The following SNRPN variants were observed in gnomAD, a reference collection of about 807,000 sequenced individuals.
SNRPN encodes small nuclear ribonucleoprotein-associated protein N.
SNRPN carries 7 observed loss-of-function variants against 25.2 expected under a neutral mutation model. That is an observed-to-expected ratio of 0.28 (90% CI 0.16 to 0.52). SNRPN has a LOEUF of 0.52. Among genes scored for constraint, SNRPN ranks in the 20% least tolerant of loss-of-function variants. The probability of loss-of-function intolerance (pLI) is 0.96; values close to 1 mark genes in which losing one functional copy is unlikely to be tolerated. For missense variants in SNRPN, 196 were observed against 322.5 expected (o/e 0.61, Z 3.00); for synonymous variants, 124 against 110.6 (o/e 1.12, Z -0.76).
At chr15:24,884,608 G>T (rs773089052) in intron 1 of SNRPN, among the ~76,000 whole-genome samples, 5,512 of 152,178 alleles carry the variant, frequency 0.036, 328 homozygotes, top group African/African-American at 0.12. Context: ...GGTGTGGATA[G>T]CTTTCTTTTG....
chr15:24,928,871 GT>G (rs2060600441), intron 3 of SNRPN, among the ~76,000 whole-genome samples: 3 of 152,052 alleles, frequency 2.0e-5, no homozygotes, highest in Admixed American at 1.3e-4. Context: ...GTCTCCCAAA[GT>G]GCTAGGATTA....
In SNRPN at chr15:24,975,093, T is replaced by C. The variant is rs145587458; in HGVS notation, c.4-265T>C. Reference sequence around the variant, plus strand: ...GGTTTACTTAGGGGAGTGGACAGTTTAGAGCATGCATCGTCACAGAGAAGG... The same window carrying C: ...GGTTTACTTAGGGGAGTGGACAGTTCAGAGCATGCATCGTCACAGAGAAGG... On this transcript the variant is annotated intron_variant, in intron 4 of 9. Coordinates refer to ENST00000390687, the MANE Select transcript of SNRPN (RefSeq NM_003097.6). 578 of 648,748 alleles carry C rather than the reference T, an allele frequency of 8.9e-4. 1 individual carries two copies. Among genetic ancestry groups the C allele is most frequent in the African/African-American group, 8.3e-3 (458 of 55,380 alleles). 40.2% of individuals were successfully genotyped at this position (648,748 alleles called of 1,614,324 possible). A position where few individuals can be genotyped will look rare whatever the true frequency, so the allele number is the denominator to read the frequency against.
intron 1 of SNRPN, among the ~76,000 whole-genome samples, chr15:24,875,968 C>T (rs562462313): frequency 1.6e-4 from 24 of 151,454 alleles, no homozygotes; most frequent in Non-Finnish European, 2.1e-4. Context: ...GCAGGAGAAT[C>T]GCTTGAACCT....
At chr15:24,902,537 A>G (rs2058528727) in intron 2 of SNRPN, among the ~76,000 whole-genome samples, 1 of 152,150 alleles carries the variant, frequency 6.6e-6, no homozygotes, top group Non-Finnish European at 1.5e-5. Flanking sequence ...GACTTCAAGA[A>G]TGAAGCCGTG....
At chr15:24,962,069 G>A (rs957838506) in intron 1 of SNRPN, 45 bp from the exon 2 acceptor site, 19 of 1,434,434 alleles carry the variant, frequency 1.3e-5, no homozygotes, top group Non-Finnish European at 1.9e-5. Flanking sequence ...TTATTTCATA[G>A]ATTGATGCAG....
chr15:24,886,917 A>T (rs538115667), intron 2 of SNRPN, among the ~76,000 whole-genome samples: 1 of 152,288 alleles, frequency 6.6e-6, no homozygotes, highest in East Asian at 1.9e-4. Context: ...AACTGTGGCC[A>T]CATCCTCTTT....
At chr15:24,826,794 C>T (rs144949519) in intron 1 of SNRPN, among the ~76,000 whole-genome samples, 16 of 152,042 alleles carry the variant, frequency 1.1e-4, no homozygotes, top group Admixed American at 3.3e-4. Context: ...ATATCTCTGC[C>T]AATTAAACTA....
At chr15:24,877,697 A>ACACAC (rs1566858064) in intron 1 of SNRPN, among the ~76,000 whole-genome samples, 1,410 of 113,910 alleles carry the variant, frequency 0.012, 15 homozygotes, top group African/African-American at 0.019. Flanking sequence ...CACACACACA[A>ACACAC]ACACACTAGC....
chr15:24,874,201 T>C (rs553728479), intron 1 of SNRPN, among the ~76,000 whole-genome samples: 61 of 148,810 alleles, frequency 4.1e-4, no homozygotes, highest in Non-Finnish European at 8.0e-4. Flanking sequence ...TCCCAGCTAC[T>C]TGGGAGGCTG....
intron 3 of SNRPN, among the ~76,000 whole-genome samples, chr15:24,948,233 C>G (rs1463864948): frequency 1.3e-5 from 2 of 152,112 alleles, no homozygotes; most frequent in Non-Finnish European, 2.9e-5. Flanking sequence ...CCTGCCTCAG[C>G]CTCCTGAGTA....
At chr15:24,882,860 T>C (rs2056854896) in intron 1 of SNRPN, among the ~76,000 whole-genome samples, 1 of 148,810 alleles carries the variant, frequency 6.7e-6, no homozygotes, top group Non-Finnish European at 1.5e-5. Flanking sequence ...TGAGTTGAAA[T>C]GCATTTAATA....
chr15:24,834,751 C>CTCTCTATATATATA, intron 2 of SNRPN, among the ~76,000 whole-genome samples: 28 of 60,948 alleles, frequency 4.6e-4, no homozygotes, highest in Non-Finnish European at 7.6e-4. Flanking sequence ...CTCTCTCTCT[C>CTCTCTATATATATA]TATATATATA....
At chr15:24,890,341 C>G (rs7181598) in intron 2 of SNRPN, among the ~76,000 whole-genome samples, 1,532 of 152,120 alleles carry the variant, frequency 0.01, 29 homozygotes, top group African/African-American at 0.035. Context: ...TAGATGATAC[C>G]CTTTGTTCCC....
At chr15:24,934,069 G>T (rs577082690) in intron 3 of SNRPN, among the ~76,000 whole-genome samples, 1 of 151,988 alleles carries the variant, frequency 6.6e-6, no homozygotes, top group Non-Finnish European at 1.5e-5. Flanking sequence ...AGGCCGAGGC[G>T]GGCGAATCAC....
chr15:24,835,090 AT>A (rs1209773280), intron 2 of SNRPN, among the ~76,000 whole-genome samples: 1 of 16,294 alleles, frequency 6.1e-5, no homozygotes, highest in African/African-American at 1.1e-4. Context: ...TATATATAAA[AT>A]ATATAGATAT....
At chr15:24,960,957 TC>T (rs550928928) in intron 1 of SNRPN, among the ~76,000 whole-genome samples, 24 of 152,214 alleles carry the variant, frequency 1.6e-4, no homozygotes. Context: ...TTCTTTTTTT[TC>T]ATTGTTTGGA....
intron 8 of SNRPN, 107 bp downstream of exon 8, chr15:24,978,023 T>C: frequency 8.1e-7 from 1 of 1,238,284 alleles, no homozygotes. Context: ...TATGCTTCCT[T>C]CTTCTAGATA....
At chr15:24,835,898 C>T (rs2051134890) in intron 2 of SNRPN, among the ~76,000 whole-genome samples, 1 of 151,858 alleles carries the variant, frequency 6.6e-6, no homozygotes, top group African/African-American at 2.4e-5. Flanking sequence ...CTCCTAGGCT[C>T]AAGCCATCTT....
chr15:24,885,732 G>A (rs185931353), intron 1 of SNRPN, among the ~76,000 whole-genome samples: 15 of 144,842 alleles, frequency 1.0e-4, no homozygotes, highest in African/African-American at 4.3e-4. Flanking sequence ...GTGTGTGTGT[G>A]TGTGTGTGTG....
Sources: gnomAD v4.1 joint callset for allele counts (sites outside exome capture counted in the v4.1 genomes callset) on GRCh38, gnomAD v4.1.1 for gene constraint, MANE v1.5 for transcripts, NCBI Gene and HGNC (gene_info 2026-07-23, HGNC 2026-07-21) for gene names.